NRCAM: variants seen among roughly 807,000 people sequenced by gnomAD.
NRCAM encodes neuronal cell adhesion molecule, also known as NgCAM-related cell adhesion molecule.
A neutral mutation model predicts 156.5 loss-of-function variants in NRCAM; 83 were observed. The ratio of observed to expected loss-of-function variants is 0.53; its 90% confidence interval spans 0.44 to 0.64. The LOEUF (loss-of-function observed/expected upper bound fraction) is 0.64. Ranked by LOEUF, NRCAM falls within the 30% of genes least tolerant of loss-of-function variation. The pLI is 0.00. For missense variants in NRCAM, 1,417 were observed against 1,597.3 expected (o/e 0.89, Z 1.92); for synonymous variants, 538 against 563.9 (o/e 0.95, Z 0.65).
intron 3 of NRCAM, among the ~76,000 whole-genome samples, chr7:108,281,324 AAC>A (rs2097851155): frequency 6.6e-6 from 1 of 152,122 alleles, no homozygotes; most frequent in South Asian, 2.1e-4. Flanking sequence ...TTTTAATCCC[AAC>A]ACTGTGGGCA....
intron 2 of NRCAM, among the ~76,000 whole-genome samples, chr7:108,361,561 T>A (rs376993927): frequency 6.6e-6 from 1 of 152,164 alleles, no homozygotes; most frequent in African/African-American, 2.4e-5. Context: ...CCTTTGGACT[T>A]GAACTGAAAC....
intron 3 of NRCAM, among the ~76,000 whole-genome samples, chr7:108,311,080 G>T (rs1393624400): frequency 6.6e-6 from 1 of 152,176 alleles, no homozygotes; most frequent in African/African-American, 2.4e-5. Context: ...CCTTAAAAGG[G>T]CACCATGTAC....
At chr7:108,429,987 A>G (rs1267415368) in intron 1 of NRCAM, among the ~76,000 whole-genome samples, 1 of 152,210 alleles carries the variant, frequency 6.6e-6, no homozygotes, top group Non-Finnish European at 1.5e-5. Context: ...ACCTAGGGAA[A>G]GAAGGTTCCA....
intron 1 of NRCAM, among the ~76,000 whole-genome samples, chr7:108,409,911 A>C (rs530766765): frequency 6.6e-6 from 1 of 152,194 alleles, no homozygotes; most frequent in Non-Finnish European, 1.5e-5. Context: ...TTTGCATATT[A>C]TATCTTTCTT....
chr7:108,346,932 CAAT>C (rs1466052725), intron 2 of NRCAM, among the ~76,000 whole-genome samples: 2 of 147,816 alleles, frequency 1.4e-5, no homozygotes, highest in African/African-American at 5.0e-5. Flanking sequence ...TTGGGTTAAA[CAAT>C]AAACATTAAA....
At chr7:108,163,447 T>C (rs1046041780) in intron 30 of NRCAM, among the ~76,000 whole-genome samples, 2 of 152,108 alleles carry the variant, frequency 1.3e-5, no homozygotes, top group African/African-American at 4.8e-5. Flanking sequence ...TCTCTACTAT[T>C]TATGAAGAAT....
intron 3 of NRCAM, among the ~76,000 whole-genome samples, chr7:108,299,139 A>AGAGAGAGAGAGAGAGAG (rs2098534169): frequency 1.8e-5 from 2 of 108,738 alleles, no homozygotes; most frequent in African/African-American, 7.0e-5. Flanking sequence ...AGAAAGAAAG[A>AGAGAGAGAGAGAGAGAG]AAAGAAAAGT....
chr7:108,211,463 G>C (rs756991625), intron 11 of NRCAM, among the ~76,000 whole-genome samples: 2 of 152,146 alleles, frequency 1.3e-5, no homozygotes, highest in Admixed American at 1.3e-4. Context: ...TTCTTTTGCC[G>C]CTGGGAGGTG....
chr7:108,299,122 G>GAAAA (rs1196699344), intron 3 of NRCAM, among the ~76,000 whole-genome samples: 5 of 35,448 alleles, frequency 1.4e-4, no homozygotes, highest in African/African-American at 1.9e-4. Context: ...AAAAAAGAAA[G>GAAAA]AAAGAAAGAA....
At position 108,340,538 on chromosome 7, in the gene NRCAM, T is replaced by C. The variant is rs145961217; in HGVS notation, c.-173-27807A>G. Among the ~76,000 whole-genome samples the C allele has an allele frequency of 4.5e-3, 681 of 152,178 alleles. 5 individuals carry two copies. The highest frequency in any genetic ancestry group is 0.016 in the African/African-American group (646 of 41,516). ...TATCTCAGTCAGGTCAATGACAGGATGACAACAGAGGAAAGAGAACGATTG... is the reference window on the plus strand; with the variant it reads ...TATCTCAGTCAGGTCAATGACAGGACGACAACAGAGGAAAGAGAACGATTG... On this transcript the variant is annotated intron_variant, in intron 2 of 32. Transcript: ENST00000379028.
intron 2 of NRCAM, among the ~76,000 whole-genome samples, chr7:108,326,518 A>G (rs779539849): frequency 3.3e-5 from 5 of 152,208 alleles, no homozygotes; most frequent in Non-Finnish European, 7.3e-5. Flanking sequence ...GAAAGAAACC[A>G]TGAAAATCAA....
intron 2 of NRCAM, among the ~76,000 whole-genome samples, chr7:108,331,875 AGAAAT>A (rs2099130732): frequency 6.6e-6 from 1 of 152,258 alleles, no homozygotes; most frequent in Non-Finnish European, 1.5e-5. Context: ...CTCCTAGCAC[AGAAAT>A]GATGGATGCT....
chr7:108,411,296 C>A (rs1327243177), intron 1 of NRCAM, among the ~76,000 whole-genome samples: 1 of 151,926 alleles, frequency 6.6e-6, no homozygotes, highest in African/African-American at 2.4e-5. Flanking sequence ...AAGGATGATA[C>A]CCTTAAGGTT....
chr7:108,299,103 CTCAAAAA>C (rs1210646194), intron 3 of NRCAM, among the ~76,000 whole-genome samples: 1 of 6,062 alleles, frequency 1.6e-4, no homozygotes, highest in East Asian at 0.014. Flanking sequence ...AAGACTCCAT[CTCAAAAA>C]AAAAAAAGAA....
At chr7:108,310,513 A>G (rs1302880507) in intron 3 of NRCAM, among the ~76,000 whole-genome samples, 1 of 152,202 alleles carries the variant, frequency 6.6e-6, no homozygotes, top group Non-Finnish European at 1.5e-5. Context: ...GAGTTTGCAA[A>G]CCACAGTCCA....
At chr7:108,182,553 C>A in intron 23 of NRCAM, 142 bp downstream of exon 23, 2 of 683,296 alleles carry the variant, frequency 2.9e-6, no homozygotes, top group South Asian at 1.8e-5. Context: ...CTTTCTTACA[C>A]AGCAGGCTGT....
At chr7:108,307,986 T>C (rs1285389672) in intron 3 of NRCAM, among the ~76,000 whole-genome samples, 1 of 152,232 alleles carries the variant, frequency 6.6e-6, no homozygotes, top group Non-Finnish European at 1.5e-5. Context: ...GTATTCCTGC[T>C]GTGTCTCACT....
chr7:108,212,611 A>G (rs1240693363), intron 11 of NRCAM, among the ~76,000 whole-genome samples: 3 of 152,176 alleles, frequency 2.0e-5, no homozygotes, highest in Non-Finnish European at 4.4e-5. Context: ...GCTCTGAAAA[A>G]TCTCAGCAAT....
intron 2 of NRCAM, among the ~76,000 whole-genome samples, chr7:108,376,611 G>T (rs1045721064): frequency 1.3e-5 from 2 of 152,102 alleles, no homozygotes; most frequent in African/African-American, 4.8e-5. Context: ...AAACCATGCT[G>T]GGGTATGCCT....
Sources: allele counts gnomAD v4.1 joint callset (sites outside exome capture counted in the v4.1 genomes callset), GRCh38; gene constraint gnomAD v4.1.1; transcripts MANE v1.5; gene names NCBI Gene and HGNC (gene_info 2026-07-23, HGNC 2026-07-21).